WDR1: variants seen among roughly 807,000 people sequenced by gnomAD.
WDR1 encodes the protein WD repeat-containing protein 1.
In WDR1, 21 loss-of-function variants were observed where a neutral mutation model predicts 71.9. The observed-to-expected ratio is 0.29, with a 90% CI of 0.21 to 0.42. WDR1 has a LOEUF of 0.42. Among genes scored for constraint, WDR1 ranks in the 10% least tolerant of loss-of-function variants. The probability of loss-of-function intolerance (pLI) is 1.00; values close to 1 mark genes in which losing one functional copy is unlikely to be tolerated. For synonymous variants in WDR1, 424 were observed against 347.4 expected (o/e 1.22, Z -2.45); for missense variants, 696 against 824.5 (o/e 0.84, Z 1.91).
chr4:10,116,264 T>TCAGGG, intron 1 of WDR1, 30 bp from the exon 2 acceptor site: 1 of 1,612,584 alleles, frequency 6.2e-7, no homozygotes, highest in Non-Finnish European at 8.5e-7. Context: ...GCGGGGCATG[T>TCAGGG]CAGGGCAGGG....
At chr4:10,086,648 C>T (rs532812098) in intron 8 of WDR1, among the ~76,000 whole-genome samples, 1 of 152,224 alleles carries the variant, frequency 6.6e-6, no homozygotes, top group Non-Finnish European at 1.5e-5. Flanking sequence ...GGTTCAGACC[C>T]TCTGCAGAGG....
At chr4:10,116,313 C>G (rs774207130) in intron 1 of WDR1, 79 bp from the exon 2 acceptor site, 3 of 1,579,878 alleles carry the variant, frequency 1.9e-6, no homozygotes, top group East Asian at 2.3e-5. Context: ...GAGCCCCGGA[C>G]CGGTCTCGGC....
chr4:10,083,206 C>G, intron 9 of WDR1, 28 bp from the exon 10 acceptor site: 1 of 1,604,990 alleles, frequency 6.2e-7, no homozygotes, highest in Non-Finnish European at 8.5e-7. Context: ...AAAAGCCCGG[C>G]TCCCAGGACT....
intron 2 of WDR1, among the ~76,000 whole-genome samples, chr4:10,104,635 A>G (rs923558731): frequency 6.6e-6 from 1 of 152,166 alleles, no homozygotes; most frequent in Non-Finnish European, 1.5e-5. Flanking sequence ...TCAACATGTA[A>G]TGTGCTAAAA....
intron 5 of WDR1, among the ~76,000 whole-genome samples, chr4:10,095,515 C>T (rs1712286811): frequency 6.6e-6 from 1 of 152,160 alleles, no homozygotes; most frequent in African/African-American, 2.4e-5. Context: ...CCCCAGCCTG[C>T]ACGCGCTCCC....
intron 2 of WDR1, among the ~76,000 whole-genome samples, chr4:10,113,949 G>A (rs942365010): frequency 3.9e-5 from 6 of 152,186 alleles, no homozygotes; most frequent in Admixed American, 3.9e-4. Flanking sequence ...GATCTTCCAT[G>A]ATCTGGTCCT....
chr4:10,110,826 CCT>C (rs1416780515), intron 2 of WDR1, among the ~76,000 whole-genome samples: 2 of 152,216 alleles, frequency 1.3e-5, no homozygotes, highest in Non-Finnish European at 2.9e-5. Context: ...TGGCCACAAC[CCT>C]GACTTCAGAT....
At chr4:10,084,408 C>A (rs757799131) in intron 9 of WDR1, 35 bp downstream of exon 9, 14 of 1,588,002 alleles carry the variant, frequency 8.8e-6, no homozygotes, top group South Asian at 4.5e-5. Flanking sequence ...CTAGAGCCAG[C>A]GGCTCCGGAG....
chr4:10,099,158 GGGGGA>G lies in WDR1; in HGVS notation c.230-24_230-20del. ...GACACATCTGTGGGGCACAGCGGGC[GGGGGA>G]GGGGGGGAGGCGGTGGTGGGGTAAA... On this transcript the variant is annotated intron_variant, in intron 3 of 14. Transcript: ENST00000499869. 1.4e-6 allele frequency: 2 copies of G among 1,417,454 alleles called. No individual in the cohort carries two copies. Among genetic ancestry groups the G allele is most frequent in the South Asian group, 1.2e-5 (1 of 84,602 alleles). The allele number at this position is 1,417,454 out of a possible 1,614,324, so 87.8% of individuals were successfully genotyped here.
intron 2 of WDR1, among the ~76,000 whole-genome samples, chr4:10,113,131 A>G (rs1242352354): frequency 2.0e-5 from 3 of 152,186 alleles, no homozygotes; most frequent in Admixed American, 2.0e-4. Context: ...AAGGCGAGCG[A>G]GCAGATCACT....
Position 10,116,115 on chromosome 4 carries a change from C to T in WDR1, c.136G>A (p.Asp46Asn), listed in dbSNP as rs1338361290. Reference protein sequence around the residue: ...NGKCVILRNIDNPALADIYTE... With the variant: ...NGKCVILRNINNPALADIYTE... ...CGCCCGGGGTAGGGGGTACTCACGT[C>T]GATGTTCCTTAGGATGACGCACTTT... Residue 46 changes from aspartate (D) to asparagine (N), a missense_variant and splice_region_variant, in exon 2 of 15, where the codon GAC (aspartate) becomes AAC (asparagine). Physicochemically the swap from Asp to Asn is conservative, Grantham distance 23 (BLOSUM62 1). Transcript: ENST00000499869. The T allele has an allele frequency of 6.2e-7, 1 of 1,612,344 alleles. No individual in the cohort carries two copies. The highest frequency in any genetic ancestry group is 1.3e-5 in the African/African-American group (1 of 74,858).
At chr4:10,079,737 C>T (rs917610665) in intron 11 of WDR1, among the ~76,000 whole-genome samples, 5 of 152,214 alleles carry the variant, frequency 3.3e-5, no homozygotes, top group Non-Finnish European at 5.9e-5. Context: ...CTGCCCCTAC[C>T]GTCTGGGCTT....
chr4:10,100,109 C>T (rs1387583773), intron 3 of WDR1, among the ~76,000 whole-genome samples: 2 of 152,222 alleles, frequency 1.3e-5, no homozygotes, highest in Non-Finnish European at 2.9e-5. Context: ...GGTAAAGGCG[C>T]CTTTTTAAGA....
chr4:10,088,612 G>T (rs558535212), intron 6 of WDR1, 52 bp downstream of exon 6: 3 of 1,471,198 alleles, frequency 2.0e-6, no homozygotes, highest in South Asian at 2.4e-5. Context: ...GAGCAGTCAC[G>T]GGAGCAGGCA....
intron 5 of WDR1, among the ~76,000 whole-genome samples, chr4:10,095,783 C>A (rs1297058428): frequency 1.3e-5 from 2 of 152,218 alleles, no homozygotes; most frequent in African/African-American, 4.8e-5. Context: ...GGGTCACTGT[C>A]ACCCTGTTTC....
intron 1 of WDR1, 56 bp from the exon 2 acceptor site, chr4:10,116,290 C>T: frequency 3.1e-6 from 5 of 1,609,242 alleles, no homozygotes; most frequent in Non-Finnish European, 4.2e-6. Context: ...ACGGCGGGGA[C>T]AGAAGGGAGA....
intron 3 of WDR1, among the ~76,000 whole-genome samples, chr4:10,100,010 G>C (rs1323475245): frequency 6.6e-6 from 1 of 152,156 alleles, no homozygotes; most frequent in African/African-American, 2.4e-5. Flanking sequence ...CTCTCCAAAT[G>C]AGCACTGTGT....
chr4:10,082,974 G>C (rs1265670272), intron 10 of WDR1, 48 bp downstream of exon 10: 5 of 1,571,244 alleles, frequency 3.2e-6, no homozygotes, highest in African/African-American at 2.7e-5. Context: ...AGCCCTCCGA[G>C]GGGAGCTGAG....
At chr4:10,099,650 C>T (rs989409465) in intron 3 of WDR1, among the ~76,000 whole-genome samples, 4 of 152,280 alleles carry the variant, frequency 2.6e-5, no homozygotes, top group Admixed American at 6.5e-5. Context: ...GAGGGTGCAG[C>T]GTGCTGCCCA....
Sources: allele counts gnomAD v4.1 joint callset (sites outside exome capture counted in the v4.1 genomes callset), GRCh38; gene constraint gnomAD v4.1.1; transcripts MANE v1.5; gene names NCBI Gene and HGNC (gene_info 2026-07-23, HGNC 2026-07-21).